UBE2E2: variants seen among roughly 807,000 people sequenced by gnomAD.
UBE2E2 encodes ubiquitin-conjugating enzyme E2 E2.
A neutral mutation model predicts 24.7 loss-of-function variants in UBE2E2; 6 were observed. The ratio of observed to expected loss-of-function variants is 0.24; its 90% CI spans 0.13 to 0.48. The LOEUF is 0.48. Among genes scored for constraint, UBE2E2 ranks in the 20% least tolerant of loss-of-function variants. The probability of loss-of-function intolerance (pLI) is 0.99; values close to 1 mark genes in which losing one functional copy is unlikely to be tolerated. For synonymous variants in UBE2E2, 104 were observed against 83.6 expected (o/e 1.24, Z -1.33); for missense variants, 169 against 245.0 (o/e 0.69, Z 2.07).
chr3:23,279,513 C>G (rs972182399), intron 3 of UBE2E2, among the ~76,000 whole-genome samples: 1 of 152,110 alleles, frequency 6.6e-6, no homozygotes, highest in Admixed American at 6.6e-5. Context: ...ATTCTATATT[C>G]ACTTTGGGGT....
Position 23,263,887 on chromosome 3 carries a change from T to A in UBE2E2, c.227+46575T>A, listed in dbSNP as rs183247030. Among the ~76,000 whole-genome samples the A allele has an allele frequency of 1.2e-3, 180 of 152,298 alleles. 1 individual carries two copies. The highest frequency in any genetic ancestry group is 3.2e-3 in the Admixed American group (49 of 15,306). ...TGCATAGGTCAGTTGTATCTTAGAA[T>A]AGATAAAAGCCTCCCTATTTTTCTT... On this transcript the variant is annotated intron_variant, in intron 3 of 5. Transcript: ENST00000396703.
intron 3 of UBE2E2, among the ~76,000 whole-genome samples, chr3:23,278,631 C>T (rs1213958100): frequency 6.6e-6 from 1 of 151,954 alleles, no homozygotes; most frequent in Non-Finnish European, 1.5e-5. Context: ...GTTGTGGGTC[C>T]ACAGAAGTAT....
chr3:23,494,811 A>G (rs1417640834), intron 3 of UBE2E2, among the ~76,000 whole-genome samples: 1 of 151,474 alleles, frequency 6.6e-6, no homozygotes, highest in Non-Finnish European at 1.5e-5. Flanking sequence ...TGCAACCTCC[A>G]CCTCCTGGGT....
In UBE2E2 at chr3:23,589,818, G is replaced by T; in HGVS notation, c.593G>T (p.Arg198Leu). Residue 198 changes from arginine (R) to leucine (L), a missense_variant, in exon 6 of 6, where the codon CGG becomes CTG. Arg to Leu is a moderately radical substitution (Grantham distance 102, BLOSUM62 -2). Coordinates refer to ENST00000396703, the MANE Select transcript of UBE2E2 (RefSeq NM_152653.4). The surrounding 1 kb of genome is among the most constrained non-coding windows in gnomAD (Gnocchi z 4.1). ...CGGATGGCCAGACAGTGGACCAAGC[G>T]GTACGCCACATAGGGGCCTGCTGCC... ...HDRMARQWTK[R>L]YAT 6.2e-7 allele frequency: 1 copy of T among 1,614,138 alleles called. No individual in the cohort carries two copies.
chr3:23,519,984 C>T (rs1694827499), intron 4 of UBE2E2, among the ~76,000 whole-genome samples: 1 of 152,330 alleles, frequency 6.6e-6, no homozygotes, highest in Admixed American at 6.5e-5. Flanking sequence ...ATTCACTTTA[C>T]ATGCTTGATC....
rs533353576 is a variant in UBE2E2 at position 23,394,497 on chromosome 3, A to G, written c.228-105111A>G. Among the ~76,000 whole-genome samples, 6 of 152,306 alleles carry G rather than the reference A, an allele frequency of 3.9e-5. No individual in the cohort carries two copies. In the East Asian group the frequency reaches 7.7e-4, roughly 20 times the overall value. ...TTTGGTAATGGTGGATGAGCTTGTT[A>G]TAGACCGTGCTTCCTGCCAAGAACA... On this transcript the variant is annotated intron_variant, in intron 3 of 5. Coordinates refer to ENST00000396703, the MANE Select transcript of UBE2E2 (RefSeq NM_152653.4).
chr3:23,276,776 T>G (rs1479403671), intron 3 of UBE2E2, among the ~76,000 whole-genome samples: 1 of 152,122 alleles, frequency 6.6e-6, no homozygotes, highest in African/African-American at 2.4e-5. Context: ...ATTGTGAGCA[T>G]TTGTACTTTT....
intron 3 of UBE2E2, among the ~76,000 whole-genome samples, chr3:23,469,703 A>G (rs1363797225): frequency 6.6e-6 from 1 of 152,252 alleles, no homozygotes; most frequent in East Asian, 1.9e-4. Context: ...CCTTAATATT[A>G]TACATGATTA....
intron 3 of UBE2E2, among the ~76,000 whole-genome samples, chr3:23,332,864 G>C (rs1401595279): frequency 6.6e-6 from 1 of 152,174 alleles, no homozygotes; most frequent in African/African-American, 2.4e-5. Flanking sequence ...TAATTTAAAA[G>C]AAACCCAGCA....
intron 4 of UBE2E2, among the ~76,000 whole-genome samples, chr3:23,508,522 T>A (rs560899459): frequency 2.0e-4 from 30 of 152,322 alleles, no homozygotes; most frequent in South Asian, 1.2e-3. Flanking sequence ...TCTCCTGAGA[T>A]GCTTATTGCT....
intron 3 of UBE2E2, among the ~76,000 whole-genome samples, chr3:23,225,817 A>G (rs1421543586): frequency 6.6e-6 from 1 of 152,170 alleles, no homozygotes. Flanking sequence ...GACTGGACAT[A>G]AACCTAACTA....
At chr3:23,287,500 A>G (rs1698648154) in intron 3 of UBE2E2, among the ~76,000 whole-genome samples, 1 of 152,078 alleles carries the variant, frequency 6.6e-6, no homozygotes, top group Non-Finnish European at 1.5e-5. Flanking sequence ...TAGGATTGAT[A>G]GTAATTCTTT....
intron 5 of UBE2E2, among the ~76,000 whole-genome samples, chr3:23,587,370 C>A (rs1367116297): frequency 6.6e-6 from 1 of 152,142 alleles, no homozygotes; most frequent in Non-Finnish European, 1.5e-5. Flanking sequence ...CTGTCTTATT[C>A]CCAGTGTGTA....
intron 3 of UBE2E2, among the ~76,000 whole-genome samples, chr3:23,374,185 C>T (rs1027669069): frequency 3.3e-5 from 5 of 152,080 alleles, no homozygotes; most frequent in Non-Finnish European, 5.9e-5. Flanking sequence ...TTAAATTTGT[C>T]GTATTCCCAG....
Position 23,242,558 on chromosome 3 carries a change from A to G in UBE2E2, c.227+25246A>G, listed in dbSNP as rs1697286800. 4.6e-5 allele frequency among the ~76,000 whole-genome samples: 7 copies of G among 152,118 alleles called. No individual in the cohort carries two copies. In the South Asian group the frequency reaches 1.5e-3, roughly 32 times the overall value. On this transcript the variant is annotated intron_variant, in intron 3 of 5. Coordinates refer to ENST00000396703, the MANE Select transcript of UBE2E2 (RefSeq NM_152653.4). ...ATAAAAGCTTTCACCATTTTACCAGAATCTGTAGGATTTAGATGATGGTCA... is the reference window on the plus strand; with the variant it reads ...ATAAAAGCTTTCACCATTTTACCAGGATCTGTAGGATTTAGATGATGGTCA...
intron 5 of UBE2E2, among the ~76,000 whole-genome samples, chr3:23,561,473 G>A (rs1046636048): frequency 6.6e-6 from 1 of 152,090 alleles, no homozygotes; most frequent in African/African-American, 2.4e-5. Context: ...TGGTTACTAT[G>A]GCCTTGTAGT....
intron 3 of UBE2E2, among the ~76,000 whole-genome samples, chr3:23,284,908 C>G (rs1161715903): frequency 1.4e-5 from 2 of 142,598 alleles, no homozygotes; most frequent in African/African-American, 2.5e-5. Context: ...CTATCAAATA[C>G]TAGATCTTAT....
intron 3 of UBE2E2, among the ~76,000 whole-genome samples, chr3:23,405,137 A>G (rs1293965642): frequency 6.6e-6 from 1 of 152,188 alleles, no homozygotes; most frequent in Non-Finnish European, 1.5e-5. Context: ...CTTTCATTTT[A>G]AGATTTTTAC....
chr3:23,251,008 C>T (rs1697559851), intron 3 of UBE2E2, among the ~76,000 whole-genome samples: 1 of 152,116 alleles, frequency 6.6e-6, no homozygotes, highest in African/African-American at 2.4e-5. Context: ...CAGGTGCATG[C>T]CATCATGCTT....
Sources: gnomAD v4.1 joint callset for allele counts (sites outside exome capture counted in the v4.1 genomes callset) on GRCh38, gnomAD v4.1.1 for gene constraint, Gnocchi (gnomAD v3.1) non-coding constraint, MANE v1.5 for transcripts, NCBI Gene and HGNC (gene_info 2026-07-23, HGNC 2026-07-21) for gene names.